PTPRT: variants seen among roughly 807,000 people sequenced by gnomAD.
PTPRT encodes the protein protein tyrosine phosphatase receptor type T.
PTPRT carries 56 observed loss-of-function variants against 176.8 expected under a neutral mutation model. The observed-to-expected ratio is 0.32, with a 90% CI of 0.26 to 0.40. PTPRT has a LOEUF of 0.40. Ranked by LOEUF, PTPRT falls within the 10% of genes least tolerant of loss-of-function variation. PTPRT has a pLI of 1.00. For synonymous variants in PTPRT, 783 were observed against 739.0 expected, an observed-to-expected ratio of 1.06 and a Z score of -0.96; for missense variants, 1,540 against 1,908.2, an observed-to-expected ratio of 0.81 and a Z score of 3.60.
chr20:42,043,945 C>T, the PTPRT span, among the ~76,000 whole-genome samples: 2 of 152,264 alleles, frequency 1.3e-5, no homozygotes, highest in African/African-American at 4.8e-5. Context: ...GCATTGCTCT[C>T]GAGAGCTCCT....
chr20:42,345,647 C>T (rs1465581938), intron 11 of PTPRT, among the ~76,000 whole-genome samples: 1 of 149,318 alleles, frequency 6.7e-6, no homozygotes, highest in African/African-American at 2.5e-5. Context: ...CAGACACTAT[C>T]CCATGTAAAG....
At chr20:42,830,508 G>T (rs2078066558) in intron 2 of PTPRT, among the ~76,000 whole-genome samples, 1 of 152,160 alleles carries the variant, frequency 6.6e-6, no homozygotes, top group Non-Finnish European at 1.5e-5. Flanking sequence ...ATGGGGAAAA[G>T]CTGGAAGCAT....
chr20:42,414,790 T>C (rs1231203448), intron 9 of PTPRT, among the ~76,000 whole-genome samples: 1 of 152,198 alleles, frequency 6.6e-6, no homozygotes, highest in Admixed American at 6.5e-5. Context: ...TTCAATATTG[T>C]AAAGGTATCA....
intron 9 of PTPRT, among the ~76,000 whole-genome samples, chr20:42,429,244 G>A (rs1030331746): frequency 2.0e-5 from 3 of 152,114 alleles, no homozygotes; most frequent in African/African-American, 7.2e-5. Flanking sequence ...AAGATAATGG[G>A]GTCTCCATGG....
chr20:42,661,230 A>C (rs1411637798), intron 7 of PTPRT, among the ~76,000 whole-genome samples: 1 of 152,148 alleles, frequency 6.6e-6, no homozygotes, highest in African/African-American at 2.4e-5. Context: ...AGTGACTTTT[A>C]AAGGGACATG....
At chr20:42,644,049 T>C (rs1410104768) in intron 7 of PTPRT, among the ~76,000 whole-genome samples, 1 of 152,094 alleles carries the variant, frequency 6.6e-6, no homozygotes, top group East Asian at 1.9e-4. Flanking sequence ...CCAGGCTGTG[T>C]GATGGGCCTG....
At chr20:42,673,815 G>T (rs2080625691) in intron 7 of PTPRT, among the ~76,000 whole-genome samples, 1 of 152,160 alleles carries the variant, frequency 6.6e-6, no homozygotes, top group Admixed American at 6.5e-5. Flanking sequence ...TGATGCTGCT[G>T]GTCGAGGGAC....
At chr20:43,162,246 A>G (rs1235733350) in intron 1 of PTPRT, among the ~76,000 whole-genome samples, 2 of 152,250 alleles carry the variant, frequency 1.3e-5, no homozygotes, top group Non-Finnish European at 2.9e-5. Context: ...AACTTAAATA[A>G]CAGCAATGGC....
chr20:42,441,840 G>A (rs1004838133), intron 9 of PTPRT, among the ~76,000 whole-genome samples: 2 of 152,194 alleles, frequency 1.3e-5, no homozygotes, highest in Admixed American at 6.5e-5. Context: ...AGCCTGGCTC[G>A]AGTTATACTC....
intron 6 of PTPRT, among the ~76,000 whole-genome samples, chr20:42,715,549 A>C (rs58014646): frequency 0.044 from 6,719 of 152,290 alleles, 448 homozygotes; most frequent in East Asian, 0.26. Flanking sequence ...CAGTGCAGGC[A>C]CTGCAGAAGA....
chr20:42,157,955 C>T (rs6030014), intron 17 of PTPRT, among the ~76,000 whole-genome samples: 48,697 of 151,936 alleles, frequency 0.32, 9,319 homozygotes, highest in African/African-American at 0.54. Context: ...ACAATCCCAG[C>T]TGAAAGCCTG....
At chr20:42,350,398 T>A (rs960951666) in intron 11 of PTPRT, among the ~76,000 whole-genome samples, 5 of 152,048 alleles carry the variant, frequency 3.3e-5, no homozygotes, top group African/African-American at 7.2e-5. Flanking sequence ...CCAGCTAATT[T>A]AAAAAATTTT....
At chr20:42,644,920 C>T (rs2074854222) in intron 7 of PTPRT, among the ~76,000 whole-genome samples, 1 of 152,164 alleles carries the variant, frequency 6.6e-6, no homozygotes. Context: ...TGCCATCACT[C>T]CCATTATACA....
intron 7 of PTPRT, among the ~76,000 whole-genome samples, chr20:42,663,217 A>T (rs1009221077): frequency 6.6e-5 from 10 of 152,104 alleles, no homozygotes; most frequent in African/African-American, 2.4e-4. Flanking sequence ...GGGGCCTGGA[A>T]ATAGAGTCTA....
At chr20:42,341,910 T>A (rs1170466284) in intron 11 of PTPRT, among the ~76,000 whole-genome samples, 2 of 152,212 alleles carry the variant, frequency 1.3e-5, no homozygotes, top group Non-Finnish European at 2.9e-5. Context: ...TTTTTCCTCC[T>A]TGGTTGGAGC....
intron 9 of PTPRT, among the ~76,000 whole-genome samples, chr20:42,357,556 T>C (rs571544077): frequency 5.9e-5 from 9 of 152,302 alleles, no homozygotes; most frequent in African/African-American, 1.9e-4. Context: ...CCCATTTCTT[T>C]ACTCCTGGAA....
At chr20:43,002,340 C>T (rs566586780) in intron 1 of PTPRT, among the ~76,000 whole-genome samples, 1 of 145,614 alleles carries the variant, frequency 6.9e-6, no homozygotes, top group African/African-American at 2.5e-5. Context: ...ACAGCAGTGA[C>T]TAATCAGAAA....
chr20:43,169,267 C>G (rs1481686425), intron 1 of PTPRT, among the ~76,000 whole-genome samples: 1 of 152,186 alleles, frequency 6.6e-6, no homozygotes, highest in East Asian at 1.9e-4. Context: ...TCTTATAACT[C>G]AAAGTTATCC....
intron 1 of PTPRT, among the ~76,000 whole-genome samples, chr20:43,165,198 A>G (rs1211177521): frequency 6.9e-6 from 1 of 144,118 alleles, no homozygotes; most frequent in Admixed American, 7.2e-5. Flanking sequence ...TGCTCTTGTC[A>G]CCCAGGCTGG....
Sources: gnomAD v4.1 joint callset for allele counts (sites outside exome capture counted in the v4.1 genomes callset) on GRCh38, gnomAD v4.1.1 for gene constraint, MANE v1.5 for transcripts, NCBI Gene and HGNC (gene_info 2026-07-23, HGNC 2026-07-21) for gene names.